ADAMTS16: variants seen among roughly 807,000 people sequenced by gnomAD.
ADAMTS16 encodes ADAM metallopeptidase with thrombospondin type 1 motif 16.
In ADAMTS16, 94 loss-of-function variants were observed where a neutral mutation model predicts 145.8. The observed-to-expected ratio is 0.64, with a 90% CI of 0.55 to 0.77. ADAMTS16 has a LOEUF of 0.77. Ranked by LOEUF, ADAMTS16 falls within the 30% of genes least tolerant of loss-of-function variation. The pLI, the probability that ADAMTS16 is intolerant of heterozygous loss-of-function variation, is 0.00. For synonymous variants in ADAMTS16, 659 were observed against 604.3 expected (o/e 1.09, Z -1.33); for missense variants, 1,585 against 1,591.5 (o/e 1.00, Z 0.07).
intron 15 of ADAMTS16, 104 bp downstream of exon 15, chr5:5,239,378 G>T (rs922165446): frequency 1.4e-6 from 2 of 1,447,604 alleles, no homozygotes; most frequent in Non-Finnish European, 1.8e-6. Flanking sequence ...ACTTCCTTCC[G>T]CTGCCTCGCT....
In ADAMTS16 at chr5:5,209,205, T is replaced by C; in HGVS notation, c.1564T>C (p.Phe522Leu). 1 of 1,614,014 alleles carries C rather than the reference T, an allele frequency of 6.2e-7. No individual in the cohort carries two copies. Among genetic ancestry groups the C allele is most frequent in the Non-Finnish European group, 8.5e-7 (1 of 1,179,892 alleles). The stretch of plus-strand genomic sequence containing the variant: ...TGCAAACACACAGTGCAAGTGGCAG[T>C]TCGGAGAGAAAGCCAAGCTCTGCAT... ...YDANTQCKWQ[F>L]GEKAKLCMLD... The change falls in exon 10 of 23, where the codon TTC becomes CTC. Residue 522 changes from phenylalanine to leucine, a missense_variant. Transcript: ENST00000274181.
intron 18 of ADAMTS16, among the ~76,000 whole-genome samples, chr5:5,301,815 G>A (rs535206936): frequency 6.6e-6 from 1 of 152,326 alleles, no homozygotes; most frequent in African/African-American, 2.4e-5. Flanking sequence ...CCGTAGAGTG[G>A]AAGACAGGAT....
chr5:5,142,265 C>A (rs1439771487), intron 2 of ADAMTS16: 1 of 152,208 alleles, frequency 6.6e-6, no homozygotes, highest in Non-Finnish European at 1.5e-5. Flanking sequence ...GCTTCAGCAT[C>A]CTCTCTGGGA....
At chr5:5,220,849 A>G (rs1232685011) in intron 10 of ADAMTS16, among the ~76,000 whole-genome samples, 2 of 151,976 alleles carry the variant, frequency 1.3e-5, no homozygotes, top group Non-Finnish European at 2.9e-5. Context: ...CTACTGGACC[A>G]TTGTGGCCAT....
At chr5:5,313,286 C>T (rs1302406381) in intron 21 of ADAMTS16, among the ~76,000 whole-genome samples, 3 of 152,164 alleles carry the variant, frequency 2.0e-5, no homozygotes, top group South Asian at 2.1e-4. Flanking sequence ...ATGAATGGCC[C>T]GGGCCTGGCT....
At chr5:5,154,305 G>A (rs1321464158) in intron 3 of ADAMTS16, among the ~76,000 whole-genome samples, 1 of 152,210 alleles carries the variant, frequency 6.6e-6, no homozygotes, top group Non-Finnish European at 1.5e-5. Context: ...AACGGCCAAA[G>A]CTGGTGGTGA....
rs755357418 is a variant in ADAMTS16 at position 5,319,153 on chromosome 5, C to T, written c.*15C>T. The T allele has an allele frequency of 6.3e-7, 1 of 1,582,970 alleles. No individual in the cohort carries two copies. The highest frequency in any genetic ancestry group is 2.2e-5 in the East Asian group (1 of 44,530). ...CCAACTTGTGAGTTGGGACCGCTCT[C>T]CGTAGCAGAGAAAGTGCCTGCGTGG... On this transcript the variant is annotated 3_prime_UTR_variant, in exon 23 of 23. Transcript: ENST00000274181.
chr5:5,285,278 A>T (rs1739063690), intron 18 of ADAMTS16, among the ~76,000 whole-genome samples: 1 of 152,220 alleles, frequency 6.6e-6, no homozygotes, highest in Non-Finnish European at 1.5e-5. Flanking sequence ...CTCTCTGAAA[A>T]CCATGCTGCC....
intron 18 of ADAMTS16, among the ~76,000 whole-genome samples, chr5:5,283,988 ATGTCT>A (rs1739022173): frequency 6.6e-6 from 1 of 152,200 alleles, no homozygotes; most frequent in Non-Finnish European, 1.5e-5. Context: ...CTTTCAAAAG[ATGTCT>A]TATATTGTTT....
At chr5:5,176,171 A>G (rs1289540521) in intron 3 of ADAMTS16, 1 of 151,768 alleles carries the variant, frequency 6.6e-6, no homozygotes, top group East Asian at 1.9e-4. Flanking sequence ...CCTCCACCTG[A>G]CCCTCCCCTT....
rs540866241 is a variant in ADAMTS16 at position 5,186,722 on chromosome 5, C to T, written c.963+471C>T. Among the ~76,000 whole-genome samples, 5 of 152,212 alleles carry T rather than the reference C, an allele frequency of 3.3e-5. No individual in the cohort carries two copies. In the East Asian group the frequency reaches 9.7e-4, roughly 29 times the overall value. On this transcript the variant is annotated intron_variant, in intron 5 of 22. Coordinates refer to ENST00000274181, the MANE Select transcript of ADAMTS16 (RefSeq NM_139056.4). ...AAAAGTGCAACCTTTTAGAATATCACCTCAGGTAAAATGTGTTTGTGTCTC... is the reference window on the plus strand; with the variant it reads ...AAAAGTGCAACCTTTTAGAATATCATCTCAGGTAAAATGTGTTTGTGTCTC...
Position 5,186,147 on chromosome 5 carries a change from A to G in ADAMTS16, c.859A>G (p.Asn287Asp), listed in dbSNP as rs776457878. ...HKRSLLRSHR[N>D]EELNVETLVV... ...GCGCTCTCTTCTGAGGTCCCATAGAAATGAAGAACTGAACGTGGAGACCTT... is the reference window on the plus strand; with the variant it reads ...GCGCTCTCTTCTGAGGTCCCATAGAGATGAAGAACTGAACGTGGAGACCTT... The change falls in exon 5 of 23, where the codon AAT (asparagine) becomes GAT (aspartate). Residue 287 changes from asparagine (N) to aspartate (D), a missense_variant. By Grantham distance (23) the Asn-to-Asp change is conservative. Coordinates refer to ENST00000274181, the MANE Select transcript of ADAMTS16 (RefSeq NM_139056.4). 6.2e-6 allele frequency: 10 copies of G among 1,614,024 alleles called. No individual in the cohort carries two copies. The Admixed American group carries it at 1.0e-4, about 16-fold the overall frequency.
At position 5,220,316 on chromosome 5, in the gene ADAMTS16, C is replaced by T. The variant is rs376780931; in HGVS notation, c.1606-2473C>T. ...CTGGGACTACAGGCACCCGCCACCA[C>T]GCCTGGCTAATTTTTTATATTTTTA... is the stretch of plus-strand genomic sequence containing the variant. On this transcript the variant is annotated intron_variant, in intron 10 of 22. Coordinates refer to ENST00000274181, the MANE Select transcript of ADAMTS16 (RefSeq NM_139056.4). Among the ~76,000 whole-genome samples, 767 of 150,452 alleles carry T rather than the reference C, an allele frequency of 5.1e-3. 5 individuals carry two copies. Among genetic ancestry groups the T allele is most frequent in the African/African-American group, 0.017 (710 of 41,048 alleles).
intron 14 of ADAMTS16, 83 bp downstream of exon 14, chr5:5,237,182 T>C (rs1025799181): frequency 6.9e-7 from 1 of 1,440,790 alleles, no homozygotes; most frequent in Non-Finnish European, 9.4e-7. Flanking sequence ...CTAGAAAGAC[T>C]GGACATATGA....
chr5:5,143,697 C>G (rs1447632061), intron 2 of ADAMTS16, among the ~76,000 whole-genome samples: 1 of 152,178 alleles, frequency 6.6e-6, no homozygotes, highest in Non-Finnish European at 1.5e-5. Flanking sequence ...TAGTGAAGCA[C>G]TATTCACAAT....
chr5:5,314,772 C>T (rs912615772), intron 21 of ADAMTS16, among the ~76,000 whole-genome samples: 9 of 152,114 alleles, frequency 5.9e-5, no homozygotes, highest in Admixed American at 3.3e-4. Context: ...GGAACGGCAC[C>T]GATTCTGACA....
At chr5:5,217,216 A>G (rs568533206) in intron 10 of ADAMTS16, among the ~76,000 whole-genome samples, 1 of 152,106 alleles carries the variant, frequency 6.6e-6, no homozygotes, top group African/African-American at 2.4e-5. Context: ...TGGATTAAAG[A>G]CTTAAACATT....
chr5:5,187,897 G>A (rs1465221042), intron 6 of ADAMTS16, 89 bp downstream of exon 6: 2 of 884,204 alleles, frequency 2.3e-6, no homozygotes, highest in African/African-American at 3.5e-5. Flanking sequence ...ATTGTTCTAT[G>A]GGTTCTTCTC....
In ADAMTS16 at chr5:5,235,148, G is replaced by A. The variant is rs1317365154; in HGVS notation, c.1985G>A (p.Gly662Glu). 2 of 1,589,882 alleles carry A rather than the reference G, an allele frequency of 1.3e-6. No individual in the cohort carries two copies. The highest frequency in any genetic ancestry group is 2.3e-5 in the East Asian group (1 of 44,110). The change falls in exon 13 of 23, where the codon GGG becomes GAG. Residue 662 changes from glycine (G) to glutamate (E), a missense_variant. Gly to Glu is a moderately conservative substitution (Grantham distance 98, BLOSUM62 -2). Coordinates refer to ENST00000274181, the MANE Select transcript of ADAMTS16 (RefSeq NM_139056.4). ...CAEHNSRRFR[G>E]RHYKWKPYTQ... is the part of the protein sequence containing the mutation. The stretch of plus-strand genomic sequence containing the variant: ...GAGCACAACAGCAGACGATTCAGAG[G>A]GCGGCACTACAAGTGGAAGCCTTAC...
Sources: gnomAD v4.1 joint callset for allele counts (sites outside exome capture counted in the v4.1 genomes callset) on GRCh38, gnomAD v4.1.1 for gene constraint, MANE v1.5 for transcripts, NCBI Gene and HGNC (gene_info 2026-07-23, HGNC 2026-07-21) for gene names.